Variants in ARHGAP23 observed in about 807,000 individuals in gnomAD.
ARHGAP23 encodes rho GTPase-activating protein 23.
In ARHGAP23, 34 loss-of-function variants were observed where a neutral mutation model predicts 136.3. The ratio of observed to expected loss-of-function variants is 0.25; its 90% CI spans 0.19 to 0.33. The LOEUF is 0.33. Among genes scored for constraint, ARHGAP23 ranks in the 10% least tolerant of loss-of-function variants. The probability of loss-of-function intolerance (pLI) is 1.00; values close to 1 mark genes in which losing one functional copy is unlikely to be tolerated. For missense variants in ARHGAP23, 1,808 were observed against 2,139.0 expected (o/e 0.85, Z 3.05); for synonymous variants, 832 against 920.5 (o/e 0.90, Z 1.74).
chr17:38,504,978 C>CTTTTT lies in ARHGAP23; in HGVS notation c.3447+4391_3447+4395dup, dbSNP rs71138627. Among the ~76,000 whole-genome samples the CTTTTT allele has an allele frequency of 1.2e-3, 53 of 43,166 alleles. 16 individuals carry two copies. The highest frequency in any genetic ancestry group is 2.2e-3 in the Non-Finnish European group (45 of 20,288). 28.3% of individuals were successfully genotyped at this position (43,166 alleles called of 152,430 possible). On this transcript the variant is annotated intron_variant, in intron 23 of 23. Transcript: ENST00000622683. ...ATTACTCAGAAGCCTCCCTTATCAT[C>CTTTTT]TTTTTTTTTTTTTTTTTTTTTTTTT...
At chr17:38,442,256 G>GC (rs1295386238) in intron 1 of ARHGAP23, among the ~76,000 whole-genome samples, 1 of 152,040 alleles carries the variant, frequency 6.6e-6, no homozygotes, top group Non-Finnish European at 1.5e-5. Flanking sequence ...ACCATGCCCG[G>GC]CCCCCCTTTC....
intron 11 of ARHGAP23, among the ~76,000 whole-genome samples, chr17:38,472,923 C>G (rs536195659): frequency 1.3e-5 from 2 of 152,286 alleles, no homozygotes; most frequent in African/African-American, 4.8e-5. Context: ...AGCTGCTGTA[C>G]TTCTGCTTAC....
At chr17:38,425,938 G>T (rs778544673), upstream of ARHGAP23, among the ~76,000 whole-genome samples, 22 of 152,062 alleles carry the variant, frequency 1.4e-4, no homozygotes, top group Middle Eastern at 3.4e-3. Flanking sequence ...GCTGTGCAGT[G>T]CATTGTGGAG....
chr17:38,505,979 A>G (rs774599311), intron 23 of ARHGAP23, among the ~76,000 whole-genome samples: 6 of 152,172 alleles, frequency 3.9e-5, no homozygotes, highest in Non-Finnish European at 8.8e-5. Flanking sequence ...AACGACACCT[A>G]TCTACACAAA....
intron 1 of ARHGAP23, among the ~76,000 whole-genome samples, chr17:38,449,060 C>A (rs1368871296): frequency 1.3e-5 from 2 of 152,146 alleles, no homozygotes; most frequent in Non-Finnish European, 2.9e-5. Context: ...CTCAAGCGAT[C>A]CTCCTGCCTT....
At position 38,448,900 on chromosome 17, in the gene ARHGAP23, T is replaced by C. The variant is rs1260865714; in HGVS notation, c.64-9202T>C. On this transcript the variant is annotated intron_variant, in intron 1 of 23. Coordinates refer to ENST00000622683, the MANE Select transcript of ARHGAP23 (RefSeq NM_001199417.2). ...TGAGACCGGGTCTCACACTGCAGCC[T>C]TGACCTCCCTGGGTTCAGGTGATCC... Among the ~76,000 whole-genome samples the C allele has an allele frequency of 1.4e-5, 2 of 144,724 alleles. 1 individual carries two copies. Among genetic ancestry groups the C allele is most frequent in the Admixed American group, 1.4e-4 (2 of 14,458 alleles). The allele number at this position is 144,724 out of a possible 152,430, so 94.9% of individuals were successfully genotyped here. A position where few individuals can be genotyped will look rare whatever the true frequency, so the allele number is the denominator to read the frequency against.
intron 16 of ARHGAP23, among the ~76,000 whole-genome samples, chr17:38,483,403 C>T (rs35457717): frequency 0.28 from 43,158 of 152,092 alleles, 6,569 homozygotes; most frequent in East Asian, 0.37. Flanking sequence ...GCAAGGCCGG[C>T]GATTCTCAAA....
intron 1 of ARHGAP23, among the ~76,000 whole-genome samples, chr17:38,449,056 C>T (rs947645599): frequency 3.3e-5 from 5 of 152,110 alleles, no homozygotes; most frequent in African/African-American, 7.2e-5. Context: ...TGGGCTCAAG[C>T]GATCCTCCTG....
chr17:38,461,186 G>A (rs970831216), intron 3 of ARHGAP23, among the ~76,000 whole-genome samples: 3 of 152,172 alleles, frequency 2.0e-5, no homozygotes, highest in African/African-American at 4.8e-5. Context: ...TGCTGAGCTC[G>A]GCACACTGTG....
chr17:38,423,123 CT>C (rs2038535070), intron 1 of ARHGAP23, among the ~76,000 whole-genome samples: 1 of 152,142 alleles, frequency 6.6e-6, no homozygotes, highest in South Asian at 2.1e-4. Context: ...GTTTGTTGCC[CT>C]CCGTGGAATA....
At position 38,469,556 on chromosome 17, in the gene ARHGAP23, C is replaced by A. The variant is rs1201121950; in HGVS notation, c.1837C>A (p.Leu613Met). 1 of 1,548,690 alleles carries A rather than the reference C, an allele frequency of 6.5e-7. No individual in the cohort carries two copies. The highest frequency in any genetic ancestry group is 8.7e-7 in the Non-Finnish European group (1 of 1,146,720). The change falls in exon 9 of 24, where the codon CTG becomes ATG. Residue 613 changes from leucine to methionine, a missense_variant. Around this residue, in one of 7 missense-constraint regions of ARHGAP23, gnomAD observed 859 missense variants for 936.4 expected, o/e 0.92. Coordinates refer to ENST00000622683, the MANE Select transcript of ARHGAP23 (RefSeq NM_001199417.2). ...CAAGGCTGGCCGCCGCTCCTCCTACCTGCTGGCCATCACCACGGAGCGCTC... is the reference window on the plus strand; with the variant it reads ...CAAGGCTGGCCGCCGCTCCTCCTACATGCTGGCCATCACCACGGAGCGCTC... ...SIKAGRRSSY[L>M]LAITTERSKS...
At chr17:38,436,857 G>C (rs1354941150) in intron 1 of ARHGAP23, among the ~76,000 whole-genome samples, 1 of 152,194 alleles carries the variant, frequency 6.6e-6, no homozygotes, top group Non-Finnish European at 1.5e-5. Flanking sequence ...AGTGAGTGTG[G>C]TCACAAAGGC....
intron 22 of ARHGAP23, among the ~76,000 whole-genome samples, chr17:38,499,793 C>T (rs1199030187): frequency 1.3e-5 from 2 of 152,182 alleles, no homozygotes; most frequent in Non-Finnish European, 2.9e-5. Context: ...CCGCACCTGC[C>T]CACTACCCTG....
At chr17:38,507,616 A>G (rs994086001) in intron 23 of ARHGAP23, among the ~76,000 whole-genome samples, 1 of 152,184 alleles carries the variant, frequency 6.6e-6, no homozygotes, top group Admixed American at 6.5e-5. Flanking sequence ...TAGTTTGATC[A>G]GGTGATCCTA....
intron 1 of ARHGAP23, among the ~76,000 whole-genome samples, chr17:38,455,900 G>A (rs1437166880): frequency 6.6e-6 from 1 of 152,230 alleles, no homozygotes; most frequent in Admixed American, 6.5e-5. Context: ...GGCACCGTGG[G>A]AGAGACTGGG....
At chr17:38,468,019 G>A (rs924108347) in intron 7 of ARHGAP23, among the ~76,000 whole-genome samples, 1 of 152,254 alleles carries the variant, frequency 6.6e-6, no homozygotes, top group African/African-American at 2.4e-5. Flanking sequence ...CGTGGGACAG[G>A]GAGCTTGAGG....
rs1482506744 is a variant in ARHGAP23, at chr17:38,466,657, C to T, written c.974C>T (p.Ala325Val). The T allele has an allele frequency of 5.3e-6, 8 of 1,511,552 alleles. No individual in the cohort carries two copies. The highest frequency in any genetic ancestry group is 2.5e-5 in the East Asian group (1 of 40,694). 93.6% of individuals were successfully genotyped at this position (1,511,552 alleles called of 1,614,324 possible). A position where few individuals can be genotyped will look rare whatever the true frequency, so the allele number is the denominator to read the frequency against. Residue 325 changes from alanine to valine, a missense_variant, in exon 7 of 24, where the codon GCC (alanine) becomes GTC (valine). Physicochemically the swap from Ala to Val is moderately conservative, Grantham distance 64 (BLOSUM62 0). Transcript: ENST00000622683. Reference sequence around the variant, plus strand: ...CAGGACCGGTTGGAGGAGGTGGCTGCCCCCCGCCCGTGGCCCTGCTCCACC... The same window carrying T: ...CAGGACCGGTTGGAGGAGGTGGCTGTCCCCCGCCCGTGGCCCTGCTCCACC... ...ASQDRLEEVA[A>V]PRPWPCSTSQ... is the part of the protein sequence containing the mutation.
chr17:38,442,051 G>C (rs1291024747), intron 1 of ARHGAP23, among the ~76,000 whole-genome samples: 1 of 152,106 alleles, frequency 6.6e-6, no homozygotes, highest in Admixed American at 6.6e-5. Flanking sequence ...TGAACTCTTG[G>C]CTCAAGCAAT....
intron 10 of ARHGAP23, among the ~76,000 whole-genome samples, chr17:38,470,726 T>C (rs1482945440): frequency 1.3e-5 from 2 of 151,248 alleles, no homozygotes; most frequent in East Asian, 3.9e-4. Flanking sequence ...TAATAGAGAC[T>C]GGGTTTCACC....
Sources: gnomAD v4.1 joint callset for allele counts (sites outside exome capture counted in the v4.1 genomes callset) on GRCh38, gnomAD v4.1.1 for gene constraint, gnomAD v4.1.1 regional missense constraint, MANE v1.5 for transcripts, NCBI Gene and HGNC (gene_info 2026-07-23, HGNC 2026-07-21) for gene names.